Variants in CADPS observed in about 807,000 individuals in gnomAD.
CADPS encodes calcium-dependent secretion activator 1.
In CADPS, 57 loss-of-function variants were observed where a neutral mutation model predicts 167.3. The ratio of observed to expected loss-of-function variants is 0.34; its 90% confidence interval spans 0.28 to 0.42. The LOEUF (loss-of-function observed/expected upper bound fraction) is 0.42, where lower values mean the gene tolerates loss of function less well. Among genes scored for constraint, CADPS ranks in the 20% least tolerant of loss-of-function variants. The pLI is 1.00. For synonymous variants in CADPS, 676 were observed against 635.3 expected (o/e 1.06, Z -0.96); for missense variants, 1,414 against 1,738.1 (o/e 0.81, Z 3.32).
At chr3:62,687,996 G>A (rs1181532988) in intron 3 of CADPS, among the ~76,000 whole-genome samples, 1 of 151,992 alleles carries the variant, frequency 6.6e-6, no homozygotes, top group Non-Finnish European at 1.5e-5. Context: ...TATTCAACAA[G>A]TATTTATTGA....
chr3:62,436,111 A>G (rs2054975405), intron 28 of CADPS, among the ~76,000 whole-genome samples: 1 of 152,128 alleles, frequency 6.6e-6, no homozygotes, highest in African/African-American at 2.4e-5. Flanking sequence ...CTTTCCTTTA[A>G]GAAGAGCCAC....
At chr3:62,761,206 A>ATTG (rs574124644) in intron 2 of CADPS, among the ~76,000 whole-genome samples, 1 of 152,064 alleles carries the variant, frequency 6.6e-6, no homozygotes, top group African/African-American at 2.4e-5. Flanking sequence ...ACAGCAAACT[A>ATTG]TTGTTGTTGT....
At chr3:62,836,346 G>C (rs2075883888) in intron 1 of CADPS, among the ~76,000 whole-genome samples, 1 of 152,146 alleles carries the variant, frequency 6.6e-6, no homozygotes, top group African/African-American at 2.4e-5. Flanking sequence ...CAGAAAAAGA[G>C]GCAACCAAGA....
chr3:62,600,156 T>C (rs1316689217), intron 6 of CADPS, among the ~76,000 whole-genome samples: 2 of 143,610 alleles, frequency 1.4e-5, no homozygotes, highest in Admixed American at 7.1e-5. Flanking sequence ...ATTTCTTTCT[T>C]TTTTTTTTTT....
intron 3 of CADPS, among the ~76,000 whole-genome samples, chr3:62,733,383 A>C (rs1469397208): frequency 6.6e-6 from 1 of 152,008 alleles, no homozygotes; most frequent in East Asian, 1.9e-4. Flanking sequence ...TAATGTTTTC[A>C]TTTTGTTTTA....
chr3:62,779,605 G>A, intron 1 of CADPS: 1 of 534,616 alleles, frequency 1.9e-6, no homozygotes, highest in East Asian at 5.3e-5. Flanking sequence ...GGAAACTTGA[G>A]GATGAAATCA....
At chr3:62,616,515 T>C (rs77596649) in intron 6 of CADPS, among the ~76,000 whole-genome samples, 1 of 152,170 alleles carries the variant, frequency 6.6e-6, no homozygotes, top group South Asian at 2.1e-4. Flanking sequence ...TACATTCAGA[T>C]CTTACCATGT....
intron 28 of CADPS, among the ~76,000 whole-genome samples, chr3:62,405,369 G>A (rs1425531368): frequency 6.6e-6 from 1 of 151,614 alleles, no homozygotes; most frequent in East Asian, 1.9e-4. Flanking sequence ...CAGGCAAACC[G>A]GCGCTGGCTT....
intron 28 of CADPS, among the ~76,000 whole-genome samples, chr3:62,416,228 A>G (rs970606700): frequency 3.3e-5 from 5 of 152,186 alleles, no homozygotes; most frequent in Non-Finnish European, 7.3e-5. Context: ...AAGACATTAT[A>G]TACTTCTGAC....
chr3:62,663,561 C>T (rs1263059825), intron 3 of CADPS, among the ~76,000 whole-genome samples: 1 of 150,098 alleles, frequency 6.7e-6, no homozygotes, highest in South Asian at 2.1e-4. Flanking sequence ...TTTTCTAAGT[C>T]CCTTTCTTCT....
intron 6 of CADPS, among the ~76,000 whole-genome samples, chr3:62,615,448 G>C (rs544051088): frequency 3.9e-5 from 6 of 152,134 alleles, no homozygotes; most frequent in African/African-American, 1.4e-4. Context: ...CTGAATCAGC[G>C]ACTGTGTTAA....
intron 11 of CADPS, among the ~76,000 whole-genome samples, chr3:62,539,747 C>A (rs924405272): frequency 6.6e-6 from 1 of 152,080 alleles, no homozygotes; most frequent in Admixed American, 6.6e-5. Context: ...ACTCTATTAA[C>A]AAATATTTTT....
At position 62,662,344 on chromosome 3, in the gene CADPS, T is replaced by C. The variant is rs766813422; in HGVS notation, c.939A>G (p.Gly313=). The part of the protein sequence containing the change: ...QAAQIRRELD[G]RLQMADQIAR... ...CTATTTGGTCTGCCATTTGTAGACGTCCATCCAGCTCTCGTCTGATCTGGG... is the reference window on the plus strand; with the variant it reads ...CTATTTGGTCTGCCATTTGTAGACGCCCATCCAGCTCTCGTCTGATCTGGG... The change falls in exon 4 of 30, where the codon GGA becomes GGG. Residue 313 remains glycine, a synonymous_variant. Coordinates refer to ENST00000383710, the MANE Select transcript of CADPS (RefSeq NM_003716.4). 2 of 1,613,884 alleles carry C rather than the reference T, an allele frequency of 1.2e-6. No individual in the cohort carries two copies. Among genetic ancestry groups the C allele is most frequent in the East Asian group, 2.2e-5 (1 of 44,874 alleles).
At chr3:62,463,073 T>G (rs1238004609) in intron 26 of CADPS, among the ~76,000 whole-genome samples, 1 of 152,184 alleles carries the variant, frequency 6.6e-6, no homozygotes, top group Non-Finnish European at 1.5e-5. Context: ...TTGCTAGGCA[T>G]GCTGTGAGGC....
Position 62,601,927 on chromosome 3 carries a change from G to T in CADPS, c.1326-9179C>A, listed in dbSNP as rs1237723653. On this transcript the variant is annotated intron_variant, in intron 6 of 29. Coordinates refer to ENST00000383710, the MANE Select transcript of CADPS (RefSeq NM_003716.4). The surrounding 1 kb of genome is among the most constrained non-coding windows in gnomAD (Gnocchi z 4.3). Reference sequence around the variant, plus strand: ...AAAAATCTATGGGTAAAACAACCTTGTTCTCTGTGTTTGGGGAGCATCTGC... The same window carrying T: ...AAAAATCTATGGGTAAAACAACCTTTTTCTCTGTGTTTGGGGAGCATCTGC... Among the ~76,000 whole-genome samples, 1 of 152,082 alleles carries T rather than the reference G, an allele frequency of 6.6e-6. No individual in the cohort carries two copies. Among genetic ancestry groups the T allele is most frequent in the Non-Finnish European group, 1.5e-5 (1 of 68,012 alleles).
intron 4 of CADPS, among the ~76,000 whole-genome samples, chr3:62,653,264 C>T (rs1470709891): frequency 6.6e-6 from 1 of 151,990 alleles, no homozygotes; most frequent in Non-Finnish European, 1.5e-5. Flanking sequence ...CATGAGGGCC[C>T]TCATGATGGA....
intron 28 of CADPS, among the ~76,000 whole-genome samples, chr3:62,413,460 C>T (rs778744127): frequency 6.6e-6 from 1 of 152,168 alleles, no homozygotes; most frequent in Non-Finnish European, 1.5e-5. Flanking sequence ...GAAGGAAATC[C>T]TGTCACATGC....
At chr3:62,474,405 A>G in intron 23 of CADPS, 85 bp from the exon 24 acceptor site, 1 of 1,220,558 alleles carries the variant, frequency 8.2e-7, no homozygotes, top group Non-Finnish European at 1.2e-6. Flanking sequence ...TCAGTGAAAA[A>G]GAAAATTGAA....
At chr3:62,491,120 G>A (rs937493185) in intron 21 of CADPS, among the ~76,000 whole-genome samples, 5 of 151,988 alleles carry the variant, frequency 3.3e-5, no homozygotes, top group Non-Finnish European at 7.4e-5. Flanking sequence ...TTCATGAAAC[G>A]TTTTTTCAGC....
Sources: gnomAD v4.1 joint callset for allele counts (sites outside exome capture counted in the v4.1 genomes callset) on GRCh38, gnomAD v4.1.1 for gene constraint, Gnocchi (gnomAD v3.1) non-coding constraint, MANE v1.5 for transcripts, NCBI Gene and HGNC (gene_info 2026-07-23, HGNC 2026-07-21) for gene names.